MTUS2: variants seen among roughly 807,000 people sequenced by gnomAD.
MTUS2 encodes microtubule-associated tumor suppressor candidate 2.
Under a neutral mutation model 114.1 loss-of-function variants are expected in MTUS2, and 40 were observed. That is an observed-to-expected ratio of 0.35 (90% CI 0.27 to 0.46). MTUS2 has a LOEUF of 0.46. Among genes scored for constraint, MTUS2 ranks in the 20% least tolerant of loss-of-function variants. The pLI, the probability that MTUS2 is intolerant of heterozygous loss-of-function variation, is 1.00. For synonymous variants in MTUS2, 688 were observed against 672.0 expected (o/e 1.02, Z -0.37); for missense variants, 1,679 against 1,705.4 (o/e 0.98, Z 0.27).
chr13:29,360,688 ACCCCC>A (rs57156729), intron 8 of MTUS2, among the ~76,000 whole-genome samples: 4 of 87,210 alleles, frequency 4.6e-5, no homozygotes, highest in Non-Finnish European at 7.4e-5. Flanking sequence ...GTAGCCGAAC[ACCCCC>A]CCCCCCCCGT....
intron 2 of MTUS2, among the ~76,000 whole-genome samples, chr13:28,905,566 T>G (rs1593288209): frequency 6.6e-6 from 1 of 151,570 alleles, no homozygotes; most frequent in South Asian, 2.1e-4. Flanking sequence ...TTATTGATTT[T>G]CGTATGTTGA....
At chr13:29,219,991 A>G (rs1024595975) in intron 5 of MTUS2, among the ~76,000 whole-genome samples, 2 of 149,120 alleles carry the variant, frequency 1.3e-5, no homozygotes, top group Non-Finnish European at 3.0e-5. Flanking sequence ...GTTCACTGGA[A>G]CAGCACTTTT....
At chr13:29,356,714 G>A (rs905585612) in intron 7 of MTUS2, among the ~76,000 whole-genome samples, 8 of 152,202 alleles carry the variant, frequency 5.3e-5, no homozygotes, top group Admixed American at 1.3e-4. Context: ...GCAAAGTCAC[G>A]CTGGATATGT....
intron 8 of MTUS2, among the ~76,000 whole-genome samples, chr13:29,422,648 C>CTTTTCTTT (rs1876201234): frequency 1.5e-5 from 1 of 67,980 alleles, no homozygotes; most frequent in African/African-American, 5.8e-5. Flanking sequence ...GATTTCTTTT[C>CTTTTCTTT]TTTTTTTTTT....
chr13:28,882,131 C>A (rs1464516260), intron 2 of MTUS2, among the ~76,000 whole-genome samples: 1 of 152,004 alleles, frequency 6.6e-6, no homozygotes, highest in Non-Finnish European at 1.5e-5. Flanking sequence ...ATGATCTCGG[C>A]TCATTGCAAC....
intron 8 of MTUS2, among the ~76,000 whole-genome samples, chr13:29,404,075 T>A (rs1337817548): frequency 6.6e-6 from 1 of 150,794 alleles, no homozygotes; most frequent in Non-Finnish European, 1.5e-5. Flanking sequence ...CTTGGTTGCT[T>A]CAGAGAAAGA....
At chr13:29,360,514 A>T (rs914806696) in intron 8 of MTUS2, among the ~76,000 whole-genome samples, 1 of 152,134 alleles carries the variant, frequency 6.6e-6, no homozygotes, top group African/African-American at 2.4e-5. Context: ...GTGGTATTAA[A>T]TGACAAGATG....
At chr13:29,049,388 C>A (rs1887784450) in intron 4 of MTUS2, among the ~76,000 whole-genome samples, 1 of 152,334 alleles carries the variant, frequency 6.6e-6, no homozygotes, top group Non-Finnish European at 1.5e-5. Context: ...GTTTACCCAT[C>A]TCTGACAGGC....
chr13:29,055,227 C>T (rs933055044), intron 4 of MTUS2, among the ~76,000 whole-genome samples: 2 of 152,046 alleles, frequency 1.3e-5, no homozygotes, highest in Non-Finnish European at 2.9e-5. Context: ...GGTGCATAAA[C>T]TCATTTGGGA....
At chr13:29,088,076 A>G (rs1380135232) in intron 4 of MTUS2, among the ~76,000 whole-genome samples, 2 of 121,090 alleles carry the variant, frequency 1.7e-5, no homozygotes, top group South Asian at 5.5e-4. Flanking sequence ...AAAAAAAAAA[A>G]AAAAAAGAAT....
chr13:28,994,111 C>A (rs989800843), intron 2 of MTUS2, among the ~76,000 whole-genome samples: 12 of 152,030 alleles, frequency 7.9e-5, no homozygotes, highest in African/African-American at 2.9e-4. Flanking sequence ...TCCATGTGTT[C>A]TCATTGTTCA....
In MTUS2 at chr13:29,317,462, C is replaced by T. The variant is rs1242080596; in HGVS notation, c.2807-7151C>T. Among the ~76,000 whole-genome samples, 2 of 9,160 alleles carry T rather than the reference C, an allele frequency of 2.2e-4. 1 individual carries two copies. The highest frequency in any genetic ancestry group is 5.0e-4 in the African/African-American group (2 of 4,014). The allele number at this position is 9,160 out of a possible 152,430, so 6.0% of individuals were successfully genotyped here. A position where few individuals can be genotyped will look rare whatever the true frequency, so the allele number is the denominator to read the frequency against. The stretch of plus-strand genomic sequence containing the variant: ...TTTTTTTTTTTTTGAGACGGAGTCT[C>T]GCTCTGTCGCCCAGGCCGGACTGCG... On this transcript the variant is annotated intron_variant, in intron 6 of 15. Transcript: ENST00000612955.
At chr13:28,971,149 A>G (rs147239022) in intron 2 of MTUS2, among the ~76,000 whole-genome samples, 182 of 152,350 alleles carry the variant, frequency 1.2e-3, no homozygotes, top group Non-Finnish European at 9.4e-4. Context: ...TTCAAATACT[A>G]TGGGAAAGCT....
intron 5 of MTUS2, among the ~76,000 whole-genome samples, chr13:29,180,743 T>A (rs1893964339): frequency 6.6e-6 from 1 of 151,934 alleles, no homozygotes; most frequent in South Asian, 2.1e-4. Context: ...GAACAGGGAG[T>A]CAGAGTTGGT....
At chr13:29,192,560 C>A (rs1246220423) in intron 5 of MTUS2, among the ~76,000 whole-genome samples, 4 of 152,076 alleles carry the variant, frequency 2.6e-5, no homozygotes, top group Non-Finnish European at 5.9e-5. Flanking sequence ...GTTCCCAACA[C>A]AAAGAAATGA....
chr13:29,052,016 A>G (rs1887919079), intron 4 of MTUS2, among the ~76,000 whole-genome samples: 1 of 152,198 alleles, frequency 6.6e-6, no homozygotes. Context: ...TCACTTCTCT[A>G]CTGACCTTGG....
At chr13:29,082,896 C>T (rs536363697) in intron 4 of MTUS2, among the ~76,000 whole-genome samples, 1 of 152,202 alleles carries the variant, frequency 6.6e-6, no homozygotes, top group East Asian at 1.9e-4. Context: ...GAGGAGGTTA[C>T]TAAAGCTTTT....
intron 6 of MTUS2, among the ~76,000 whole-genome samples, chr13:29,297,841 C>T (rs1042064373): frequency 5.9e-5 from 9 of 151,678 alleles, no homozygotes; most frequent in African/African-American, 9.7e-5. Flanking sequence ...GAAAGTGTTG[C>T]GGATTTAGTG....
At chr13:29,389,378 T>C (rs1405837878) in intron 8 of MTUS2, among the ~76,000 whole-genome samples, 1 of 103,404 alleles carries the variant, frequency 9.7e-6, no homozygotes, top group Non-Finnish European at 2.0e-5. Flanking sequence ...TGTGTGTATA[T>C]ATGTATACAC....
Sources: allele counts gnomAD v4.1 joint callset (sites outside exome capture counted in the v4.1 genomes callset), GRCh38; gene constraint gnomAD v4.1.1; transcripts MANE v1.5; gene names NCBI Gene and HGNC (gene_info 2026-07-23, HGNC 2026-07-21).